The following LARGE1 variants were observed in gnomAD, a reference collection of about 807,000 sequenced individuals.
LARGE1 encodes xylosyl- and glucuronyltransferase LARGE1.
LARGE1 carries 43 observed loss-of-function variants against 87.6 expected under a neutral mutation model. The ratio of observed to expected loss-of-function variants is 0.49; its 90% CI spans 0.38 to 0.63. LARGE1 has a LOEUF of 0.63. Ranked by LOEUF, LARGE1 falls within the 30% of genes least tolerant of loss-of-function variation. The pLI is 0.00. For synonymous variants in LARGE1, 434 were observed against 394.6 expected (o/e 1.10, Z -1.18); for missense variants, 802 against 1,000.2 (o/e 0.80, Z 2.67).
At chr22:33,293,388 G>A (rs1044061916) in intron 12 of LARGE1, among the ~76,000 whole-genome samples, 2 of 152,126 alleles carry the variant, frequency 1.3e-5, no homozygotes, top group Admixed American at 1.3e-4. Flanking sequence ...TTAAAGTTCT[G>A]AGAGGTTAAC....
At chr22:33,911,920 C>T (rs954012336) in intron 1 of LARGE1, among the ~76,000 whole-genome samples, 1 of 152,184 alleles carries the variant, frequency 6.6e-6, no homozygotes, top group Admixed American at 6.5e-5. Context: ...GTTACTCACC[C>T]ACCTCTCCCT....
At chr22:33,503,941 G>T (rs942288713) in intron 6 of LARGE1, among the ~76,000 whole-genome samples, 10 of 152,166 alleles carry the variant, frequency 6.6e-5, no homozygotes, top group African/African-American at 9.7e-5. Context: ...TATTATTGTG[G>T]CATAAAAAGG....
At chr22:33,610,840 C>T (rs1407138733) in intron 4 of LARGE1, among the ~76,000 whole-genome samples, 2 of 152,162 alleles carry the variant, frequency 1.3e-5, no homozygotes, top group African/African-American at 4.8e-5. Flanking sequence ...CACCATTGCC[C>T]TGCACCACCC....
chr22:33,467,630 T>C (rs1279180954), intron 6 of LARGE1, among the ~76,000 whole-genome samples: 2 of 152,240 alleles, frequency 1.3e-5, no homozygotes, highest in Non-Finnish European at 2.9e-5. Context: ...AGCATCACTT[T>C]CAACCCTGCG....
rs564940926 is a variant in LARGE1 at position 33,420,936 on chromosome 22, T to C, written c.892+11225A>G. On this transcript the variant is annotated intron_variant, in intron 7 of 14. Coordinates refer to ENST00000397394, the MANE Select transcript of LARGE1 (RefSeq NM_133642.5). ...GGCGCGGTGGCTCATGCCTGTAATC[T>C]CAGCAGTTTGGGAGGCCGAGGGGGG... Among the ~76,000 whole-genome samples, 494 of 152,228 alleles carry C rather than the reference T, an allele frequency of 3.2e-3. 2 individuals carry two copies. The highest frequency in any genetic ancestry group is 0.011 in the African/African-American group (449 of 41,528).
chr22:33,304,129 C>T, intron 12 of LARGE1, 100 bp downstream of exon 12: 8 of 1,361,602 alleles, frequency 5.9e-6, no homozygotes, highest in Non-Finnish European at 8.2e-6. Context: ...GGAAAAGAAA[C>T]CTGTTGGACT....
At chr22:33,863,958 T>C (rs370595732) in intron 1 of LARGE1, among the ~76,000 whole-genome samples, 4 of 152,346 alleles carry the variant, frequency 2.6e-5, no homozygotes, top group South Asian at 2.1e-4. Flanking sequence ...TCTGTTAATC[T>C]GGCCTAACTA....
intron 1 of LARGE1, among the ~76,000 whole-genome samples, chr22:33,805,848 T>C (rs964415319): frequency 2.0e-4 from 31 of 152,346 alleles, no homozygotes; most frequent in African/African-American, 7.0e-4. Flanking sequence ...TTTTCTTCCA[T>C]TCAAACAATG....
At chr22:33,443,233 G>A (rs577916366) in intron 6 of LARGE1, among the ~76,000 whole-genome samples, 170 of 152,290 alleles carry the variant, frequency 1.1e-3, no homozygotes, top group African/African-American at 4.0e-3. Context: ...CAGAGTAGGG[G>A]ATTGCATTCC....
At chr22:33,366,312 T>C (rs1601599642) in intron 9 of LARGE1, among the ~76,000 whole-genome samples, 1 of 152,254 alleles carries the variant, frequency 6.6e-6, no homozygotes, top group Admixed American at 6.5e-5. Context: ...TTCCAACTAA[T>C]TGCACGGCCC....
chr22:33,816,992 C>T (rs919746824), intron 1 of LARGE1, among the ~76,000 whole-genome samples: 1 of 152,044 alleles, frequency 6.6e-6, no homozygotes, highest in Admixed American at 6.6e-5. Context: ...CCTGGGAAGT[C>T]GGGGTGGAGG....
chr22:33,118,234 G>T, the LARGE1 span, among the ~76,000 whole-genome samples: 1 of 152,134 alleles, frequency 6.6e-6, no homozygotes, highest in Non-Finnish European at 1.5e-5. Context: ...TATAATTCCA[G>T]CAGAGTGGAA....
At chr22:33,101,838 C>T in the LARGE1 span, among the ~76,000 whole-genome samples, 1 of 152,350 alleles carries the variant, frequency 6.6e-6, no homozygotes, top group South Asian at 2.1e-4. Context: ...GGAAAGACAG[C>T]AAGCAGCCAA....
intron 1 of LARGE1, among the ~76,000 whole-genome samples, chr22:33,833,846 C>A (rs139687658): frequency 0.011 from 1,611 of 152,132 alleles, 28 homozygotes; most frequent in African/African-American, 0.035. Flanking sequence ...CGCCACCACG[C>A]CTGGCTAATT....
chr22:33,657,157 G>A (rs531861785), intron 2 of LARGE1: 1 of 152,354 alleles, frequency 6.6e-6, no homozygotes, highest in African/African-American at 2.4e-5. Flanking sequence ...CCTTTCAGGG[G>A]TGACAGACCC....
chr22:33,708,502 A>T (rs1341675463), intron 2 of LARGE1, among the ~76,000 whole-genome samples: 1 of 152,178 alleles, frequency 6.6e-6, no homozygotes, highest in Non-Finnish European at 1.5e-5. Context: ...GGGCGGCCCT[A>T]ACAGAATACC....
chr22:33,433,135 G>C (rs991632688), intron 6 of LARGE1, among the ~76,000 whole-genome samples: 2 of 152,168 alleles, frequency 1.3e-5, no homozygotes, highest in Non-Finnish European at 1.5e-5. Flanking sequence ...CACAGCCTAG[G>C]AAACAGGCTC....
chr22:33,699,767 G>A (rs751223171), intron 2 of LARGE1, among the ~76,000 whole-genome samples: 1 of 152,110 alleles, frequency 6.6e-6, no homozygotes, highest in Non-Finnish European at 1.5e-5. Flanking sequence ...ATTGTGCCAT[G>A]ATTTAATTAA....
chr22:33,652,066 C>A (rs1374787470), intron 2 of LARGE1, among the ~76,000 whole-genome samples: 1 of 152,144 alleles, frequency 6.6e-6, no homozygotes, highest in East Asian at 1.9e-4. Context: ...GTCCCAGCTA[C>A]TCGTGAGGTT....
Sources: allele counts gnomAD v4.1 joint callset (sites outside exome capture counted in the v4.1 genomes callset), GRCh38; gene constraint gnomAD v4.1.1; transcripts MANE v1.5; gene names NCBI Gene and HGNC (gene_info 2026-07-23, HGNC 2026-07-21).